Variants in KANK1 observed in about 807,000 individuals in gnomAD.
KANK1 encodes KN motif and ankyrin repeat domain-containing protein 1.
In KANK1, 109 loss-of-function variants were observed where a neutral mutation model predicts 106.2. That is an observed-to-expected ratio of 1.03 (90% CI 0.88 to 1.20). The LOEUF (loss-of-function observed/expected upper bound fraction) is 1.20, where lower values mean the gene tolerates loss of function less well. Ranked by LOEUF, KANK1 falls within the 50% of genes most tolerant of loss-of-function variation. The pLI is 0.00. For synonymous variants in KANK1, 873 were observed against 652.2 expected (o/e 1.34, Z -5.16); for missense variants, 2,399 against 1,710.7 (o/e 1.40, Z -7.10).
At chr9:695,646 G>C (rs1821077681) in intron 2 of KANK1, among the ~76,000 whole-genome samples, 1 of 151,648 alleles carries the variant, frequency 6.6e-6, no homozygotes, top group Non-Finnish European at 1.5e-5. Context: ...AAGGGTTCTG[G>C]ATCCTCTCTG....
chr9:738,950 T>C (rs1202283652), intron 8 of KANK1, among the ~76,000 whole-genome samples: 1 of 152,210 alleles, frequency 6.6e-6, no homozygotes. Context: ...CAGAAGTGTG[T>C]GGTTAGTCAA....
At chr9:482,938 T>G (rs1294454325) in intron 3 of KANK1, among the ~76,000 whole-genome samples, 1 of 152,190 alleles carries the variant, frequency 6.6e-6, no homozygotes, top group Non-Finnish European at 1.5e-5. Flanking sequence ...TGAATCATCT[T>G]TTTGTCCAGA....
In KANK1 at chr9:710,615, C is replaced by CAAAAAA. The variant is rs1222306010; in HGVS notation, c.38-180_38-175dup. Among the ~76,000 whole-genome samples, 12 of 35,954 alleles carry CAAAAAA rather than the reference C, an allele frequency of 3.3e-4. 2 individuals carry two copies. The highest frequency in any genetic ancestry group is 4.5e-4 in the Non-Finnish European group (9 of 20,032). The allele number at this position is 35,954 out of a possible 152,430, so 23.6% of individuals were successfully genotyped here. A position where few individuals can be genotyped will look rare whatever the true frequency, so the allele number is the denominator to read the frequency against. ...GCCTGGGTGACAGAATGACCTGTCTCAAAAAAAAAAAAAACAAAAAAAAAC... is the reference window on the plus strand; with the variant it reads ...GCCTGGGTGACAGAATGACCTGTCTCAAAAAAAAAAAAAAAAAAAACAAAAAAAAAC... On this transcript the variant is annotated intron_variant, in intron 2 of 11. Transcript: ENST00000382297.
chr9:725,607 C>T (rs927983035), intron 3 of KANK1, among the ~76,000 whole-genome samples: 8 of 151,982 alleles, frequency 5.3e-5, no homozygotes, highest in African/African-American at 1.9e-4. Flanking sequence ...CAAAGTAGAC[C>T]ACCTGCATCA....
chr9:660,651 G>A (rs898307431), intron 1 of KANK1, among the ~76,000 whole-genome samples: 2 of 152,222 alleles, frequency 1.3e-5, no homozygotes, highest in East Asian at 1.9e-4. Flanking sequence ...AAGCTCCTCC[G>A]CTCTCCCTCT....
At chr9:710,479 G>A (rs533921405) in intron 2 of KANK1, among the ~76,000 whole-genome samples, 6 of 152,040 alleles carry the variant, frequency 3.9e-5, no homozygotes, top group Admixed American at 1.3e-4. Flanking sequence ...TTAGCCAGGC[G>A]TGGTGGTGCA....
chr9:505,929 A>T (rs1011928525), intron 1 of KANK1, among the ~76,000 whole-genome samples: 36 of 152,188 alleles, frequency 2.4e-4, no homozygotes, highest in African/African-American at 8.4e-4. Flanking sequence ...AGGTGGCGTT[A>T]ACAGCTAAGT....
At chr9:628,434 A>C (rs1834875203) in intron 1 of KANK1, among the ~76,000 whole-genome samples, 1 of 152,204 alleles carries the variant, frequency 6.6e-6, no homozygotes, top group South Asian at 2.1e-4. Context: ...TTATATTCAC[A>C]GATGTACGTA....
intron 1 of KANK1, among the ~76,000 whole-genome samples, chr9:632,885 G>C (rs530783852): frequency 2.0e-5 from 3 of 152,054 alleles, no homozygotes; most frequent in South Asian, 4.2e-4. Flanking sequence ...GTAGACACGG[G>C]GTTTCGCCAT....
intron 1 of KANK1, among the ~76,000 whole-genome samples, chr9:640,911 T>C (rs1252933714): frequency 5.3e-5 from 8 of 151,368 alleles, no homozygotes; most frequent in Admixed American, 4.6e-4. Flanking sequence ...TTAGCCAGGA[T>C]GGTCTCGATC....
At chr9:615,206 G>A (rs1831516227) in intron 1 of KANK1, among the ~76,000 whole-genome samples, 1 of 152,154 alleles carries the variant, frequency 6.6e-6, no homozygotes, top group African/African-American at 2.4e-5. Flanking sequence ...AAAGTGCTGG[G>A]ATTATAGTCT....
chr9:609,743 TC>T (rs1207763890), intron 1 of KANK1, among the ~76,000 whole-genome samples: 1 of 152,228 alleles, frequency 6.6e-6, no homozygotes, highest in African/African-American at 2.4e-5. Context: ...TAAAGTTAAT[TC>T]TAAATAAAGG....
intron 3 of KANK1, among the ~76,000 whole-genome samples, chr9:476,934 G>T (rs770834647): frequency 6.6e-6 from 1 of 152,136 alleles, no homozygotes; most frequent in Non-Finnish European, 1.5e-5. Flanking sequence ...GTGTCTCCCC[G>T]AAATTAGCTC....
intron 2 of KANK1, chr9:684,192 C>A (rs1188945180): frequency 2.0e-6 from 2 of 985,250 alleles, no homozygotes; most frequent in Non-Finnish European, 2.4e-6. Context: ...AAGCCTTGAG[C>A]CAGTCATAAT....
chr9:518,233 C>T (rs1029610899), intron 1 of KANK1, among the ~76,000 whole-genome samples: 3 of 151,830 alleles, frequency 2.0e-5, no homozygotes, highest in Non-Finnish European at 2.9e-5. Context: ...AAACCTCTGA[C>T]CTCACATCCA....
chr9:615,485 A>T (rs1348623790), intron 1 of KANK1, among the ~76,000 whole-genome samples: 1 of 152,086 alleles, frequency 6.6e-6, no homozygotes. Flanking sequence ...AGTTAAGAAG[A>T]GGGGGAATAA....
At chr9:621,271 T>C (rs1833083417) in intron 1 of KANK1, among the ~76,000 whole-genome samples, 1 of 152,170 alleles carries the variant, frequency 6.6e-6, no homozygotes, top group Non-Finnish European at 1.5e-5. Context: ...TTTTGAGCTA[T>C]TTATATTAGC....
At chr9:506,901 CA>C (rs1253886643) in intron 1 of KANK1, among the ~76,000 whole-genome samples, 1 of 152,110 alleles carries the variant, frequency 6.6e-6, no homozygotes, top group Non-Finnish European at 1.5e-5. Flanking sequence ...ATAGGGTGAG[CA>C]GATTCTGAAA....
chr9:549,397 TGA>T (rs1175901090), intron 1 of KANK1: 4 of 152,316 alleles, frequency 2.6e-5, no homozygotes, highest in Non-Finnish European at 4.4e-5. Context: ...AGCTTGCTAG[TGA>T]GAATTGCCAA....
Sources: allele counts gnomAD v4.1 joint callset (sites outside exome capture counted in the v4.1 genomes callset), GRCh38; gene constraint gnomAD v4.1.1; transcripts MANE v1.5; gene names NCBI Gene and HGNC (gene_info 2026-07-23, HGNC 2026-07-21).